The following MYO15B variants were observed in gnomAD, a reference collection of about 807,000 sequenced individuals.
MYO15B encodes the protein myosin XVB pseudogene.
In MYO15B, 207 loss-of-function variants were observed where a neutral mutation model predicts 119.3. The ratio of observed to expected loss-of-function variants is 1.73; its 90% CI spans 1.55 to 1.95. The LOEUF is 1.95. Ranked by LOEUF, MYO15B falls within the 30% of genes most tolerant of loss-of-function variation. The pLI, the probability that MYO15B is intolerant of heterozygous loss-of-function variation, is 0.00. For missense variants in MYO15B, 2,264 were observed against 1,203.1 expected (o/e 1.88, Z -13.04); for synonymous variants, 966 against 498.9 (o/e 1.94, Z -12.48).
chr17:75,626,102 C>A (rs755011969), exon 63 of MYO15B: 90 of 703,052 alleles, frequency 1.3e-4, no homozygotes, highest in South Asian at 5.5e-4. Flanking sequence ...TGTACTGCCG[C>A]ATTGCCCTGA....
chr17:75,601,311 T>G (rs1474822397), intron 14 of MYO15B, 127 bp from the exon 15 acceptor site: 2 of 591,902 alleles, frequency 3.4e-6, no homozygotes, highest in Non-Finnish European at 6.1e-6. Flanking sequence ...AGCGCTTGTT[T>G]TGGGGAACAA....
At chr17:75,622,547 A>G (rs1456353295) in intron 53 of MYO15B, among the ~76,000 whole-genome samples, 1 of 152,200 alleles carries the variant, frequency 6.6e-6, no homozygotes, top group Non-Finnish European at 1.5e-5. Context: ...TGTAGCCATC[A>G]TTGGCCTCTG....
In MYO15B at chr17:75,589,419, G is replaced by A; in HGVS notation, c.1362G>A (p.Glu454=). The stretch of plus-strand genomic sequence containing the variant: ...AAGCGGACGAAGGGCGGGGCCACGA[G>A]CGAGGGTACGAGGGGCGGGGCTGCG... Residue 454 remains glutamate (E), a synonymous_variant, in exon 1 of 64, where the codon GAG becomes GAA. Transcript: ENST00000645453. The surrounding 1 kb of genome is among the most constrained non-coding windows in gnomAD (Gnocchi z 4.2). The A allele has an allele frequency of 2.6e-6, 1 of 385,436 alleles. No individual in the cohort carries two copies. Among genetic ancestry groups the A allele is most frequent in the Non-Finnish European group, 4.5e-6 (1 of 222,674 alleles). 23.9% of individuals were successfully genotyped at this position (385,436 alleles called of 1,614,324 possible).
intron 9 of MYO15B, 149 bp from the exon 10 acceptor site, chr17:75,594,326 G>A (rs1163772342): frequency 2.0e-6 from 1 of 504,646 alleles, no homozygotes; most frequent in Non-Finnish European, 3.5e-6. Flanking sequence ...GAAAACCATA[G>A]CCTCGCTCCT....
At chr17:75,613,533 C>T in intron 28 of MYO15B, 62 bp downstream of exon 28, 1 of 653,292 alleles carries the variant, frequency 1.5e-6, no homozygotes, top group South Asian at 1.6e-5. Flanking sequence ...TACCCCTTTG[C>T]CCTCCCTGGA....
At chr17:75,588,405 C>T (rs1056299003) in exon 1 of MYO15B, 3 of 398,424 alleles carry the variant, frequency 7.5e-6, no homozygotes, top group African/African-American at 2.1e-5. Context: ...GAAGCCTCTC[C>T]GGAGGAGAAG....
intron 22 of MYO15B, 165 bp from the exon 23 acceptor site, chr17:75,610,735 A>G: frequency 1.6e-6 from 1 of 614,614 alleles, no homozygotes; most frequent in South Asian, 1.9e-5. Context: ...AAGGCTGGTG[A>G]GGGCCCTGGA....
chr17:75,592,984 G>A lies in MYO15B; in HGVS notation c.2991+144G>A, dbSNP rs2056577463. ...GTGGGTAGATCCCCACTGTGTAGATGAGAAAGCTGAGACATAGAGCTTCTC... is the reference window on the plus strand; with the variant it reads ...GTGGGTAGATCCCCACTGTGTAGATAAGAAAGCTGAGACATAGAGCTTCTC... On this transcript the variant is annotated intron_variant, in intron 9 of 63. Transcript: ENST00000645453. 1.2e-5 allele frequency: 7 copies of A among 582,776 alleles called. No individual in the cohort carries two copies. In the South Asian group the frequency reaches 1.5e-4, roughly 13 times the overall value. The allele number at this position is 582,776 out of a possible 1,614,324, so 36.1% of individuals were successfully genotyped here.
intron 19 of MYO15B, among the ~76,000 whole-genome samples, chr17:75,605,007 C>A (rs956417889): frequency 1.3e-5 from 2 of 151,998 alleles, no homozygotes; most frequent in Non-Finnish European, 2.9e-5. Context: ...CGTGGTGTTG[C>A]ATGCCAGTAA....
chr17:75,614,403 G>A (rs1394923319), intron 30 of MYO15B, 43 bp downstream of exon 30: 12 of 692,598 alleles, frequency 1.7e-5, no homozygotes, highest in Admixed American at 4.0e-5. Context: ...TGCTCCTGCC[G>A]GGGAACCCCA....
At chr17:75,598,035 A>G (rs1325974781) in intron 14 of MYO15B, among the ~76,000 whole-genome samples, 1 of 152,154 alleles carries the variant, frequency 6.6e-6, no homozygotes, top group East Asian at 1.9e-4. Context: ...ATGAGCCTCT[A>G]GGAGCTGAGG....
In MYO15B at chr17:75,616,674, G is replaced by A. The variant is rs550515921; in HGVS notation, c.6395G>A (p.Arg2132His). The A allele has an allele frequency of 2.0e-4, 138 of 702,944 alleles. No individual in the cohort carries two copies. In the East Asian group the frequency reaches 2.5e-3, roughly 13 times the overall value. The allele number at this position is 702,944 out of a possible 1,614,324, so 43.5% of individuals were successfully genotyped here. A position where few individuals can be genotyped will look rare whatever the true frequency, so the allele number is the denominator to read the frequency against. Residue 2132 changes from arginine to histidine, a missense_variant, in exon 39 of 64, where the codon CGC becomes CAC. By Grantham distance (29) the Arg-to-His change is conservative. Coordinates refer to ENST00000645453, the Ensembl canonical transcript of MYO15B. ...GCCCAAGGCAGGGGGACTGTGGTGC[G>A]CAGCTCAGACTCCAAGCCCAAGCGG...
intron 14 of MYO15B, among the ~76,000 whole-genome samples, chr17:75,598,692 C>T (rs1462967459): frequency 6.6e-6 from 1 of 151,890 alleles, no homozygotes; most frequent in Non-Finnish European, 1.5e-5. Context: ...ATATAATGTT[C>T]ATTTATTAAT....
chr17:75,612,138 G>C, intron 25 of MYO15B, 122 bp downstream of exon 25: 1 of 636,874 alleles, frequency 1.6e-6, no homozygotes, highest in Non-Finnish European at 2.9e-6. Flanking sequence ...CCAGCCTTTG[G>C]GGCTGTGAGT....
chr17:75,622,127 T>C (rs2058745191), intron 53 of MYO15B, 47 bp downstream of exon 53: 1 of 699,644 alleles, frequency 1.4e-6, no homozygotes. Flanking sequence ...TGTCCTCCTG[T>C]CTGGGCCTGA....
exon 20 of MYO15B, chr17:75,605,598 C>T (rs767517195): frequency 5.7e-5 from 40 of 702,832 alleles, no homozygotes; most frequent in Admixed American, 1.0e-4. Context: ...CGAATCACCT[C>T]TCTATCACCT....
chr17:75,624,716 G>A (rs2058921263), intron 58 of MYO15B, 55 bp from the exon 59 acceptor site: 3 of 702,532 alleles, frequency 4.3e-6, no homozygotes, highest in African/African-American at 1.7e-5. Flanking sequence ...CTGCTGGGGT[G>A]GCAGGGCCGG....
exon 37 of MYO15B, chr17:75,616,147 G>A: frequency 1.8e-6 from 1 of 567,740 alleles, no homozygotes; most frequent in African/African-American, 1.9e-5. Flanking sequence ...CCAGAGGATG[G>A]GTGAGGGCAC....
At chr17:75,588,607 C>T in exon 1 of MYO15B, 1 of 399,684 alleles carries the variant, frequency 2.5e-6, no homozygotes, top group Admixed American at 4.4e-5. Flanking sequence ...GCGGCCCACG[C>T]CGGAGCCTAC....
Sources: allele counts gnomAD v4.1 joint callset (sites outside exome capture counted in the v4.1 genomes callset), GRCh38; gene constraint gnomAD v4.1.1; non-coding constraint Gnocchi (gnomAD v3.1); transcripts MANE v1.5; gene names NCBI Gene and HGNC (gene_info 2026-07-23, HGNC 2026-07-21).